Variants in CYP20A1 observed in about 807,000 individuals in gnomAD.
The protein encoded by CYP20A1 is cytochrome P450 20A1.
A neutral mutation model predicts 61.4 loss-of-function variants in CYP20A1; 61 were observed. The observed-to-expected ratio is 0.99, with a 90% confidence interval of 0.81 to 1.23. The LOEUF is 1.23. Ranked by LOEUF, CYP20A1 falls within the 50% of genes most tolerant of loss-of-function variation. The probability of loss-of-function intolerance (pLI) is 0.00; values close to 1 mark genes in which losing one functional copy is unlikely to be tolerated. For missense variants in CYP20A1, 530 were observed against 542.4 expected (o/e 0.98, Z 0.23); for synonymous variants, 193 against 188.2 (o/e 1.03, Z -0.21).
chr2:203,240,814 A>G (rs2066229521), intron 1 of CYP20A1, among the ~76,000 whole-genome samples: 1 of 152,236 alleles, frequency 6.6e-6, no homozygotes, highest in East Asian at 1.9e-4. Context: ...ATGACTTGTA[A>G]GGCTTTTTTA....
chr2:203,279,737 A>G (rs11690137), intron 7 of CYP20A1, among the ~76,000 whole-genome samples: 22,011 of 152,192 alleles, frequency 0.14, 1,878 homozygotes, highest in Middle Eastern at 0.24. Flanking sequence ...ACCAAAGTAG[A>G]TCATGAACCA....
chr2:203,272,756 T>C lies in CYP20A1; in HGVS notation c.679+8T>C. ...AAAAACAATATGAAGATGGTAAGTT[T>C]GGTCACTTAATTTTTAGTGAGGACA... On this transcript the variant is annotated splice_region_variant and intron_variant, in intron 6 of 12. Transcript: ENST00000356079. 6.4e-7 allele frequency: 1 copy of C among 1,566,954 alleles called. No homozygotes were observed. Among genetic ancestry groups the C allele is most frequent in the Non-Finnish European group, 8.7e-7 (1 of 1,150,366 alleles).
Position 203,296,929 on chromosome 2 carries a change from A to T in CYP20A1, c.*21A>T. 1 of 1,346,334 alleles carries T rather than the reference A, an allele frequency of 7.4e-7. No individual in the cohort carries two copies. Among genetic ancestry groups the T allele is most frequent in the Non-Finnish European group, 1.0e-6 (1 of 978,074 alleles). 83.4% of individuals were successfully genotyped at this position (1,346,334 alleles called of 1,614,324 possible). A position where few individuals can be genotyped will look rare whatever the true frequency, so the allele number is the denominator to read the frequency against. On this transcript the variant is annotated 3_prime_UTR_variant, in exon 13 of 13. Coordinates refer to ENST00000356079, the MANE Select transcript of CYP20A1 (RefSeq NM_177538.3). The stretch of plus-strand genomic sequence containing the variant: ...ATTAAAATTTTATACATTTAAAATC[A>T]TTGTTAAATTGATTGAGGAAAACAA...
rs759959910 is a variant in CYP20A1, at chr2:203,239,138, A to G, written c.72+4A>G. The stretch of plus-strand genomic sequence containing the variant: ...AGCCGTGCTCTACCTCTATCCGGTG[A>G]GCGCCGTCTTGGCTCTCTGGGGCCC... On this transcript the variant is annotated splice_donor_region_variant and intron_variant, in intron 1 of 12. Coordinates refer to ENST00000356079, the MANE Select transcript of CYP20A1 (RefSeq NM_177538.3). The G allele has an allele frequency of 6.2e-7, 1 of 1,612,276 alleles. No individual in the cohort carries two copies. Among genetic ancestry groups the G allele is most frequent in the Non-Finnish European group, 8.5e-7 (1 of 1,179,396 alleles).
chr2:203,262,835 C>A (rs2067187536), intron 4 of CYP20A1, among the ~76,000 whole-genome samples: 1 of 151,660 alleles, frequency 6.6e-6, no homozygotes, highest in African/African-American at 2.4e-5. Context: ...ACTACAGGTG[C>A]CTGCCACCAC....
chr2:203,289,630 G>A (rs965510008), intron 9 of CYP20A1, 135 bp from the exon 10 acceptor site: 1 of 398,832 alleles, frequency 2.5e-6, no homozygotes, highest in Non-Finnish European at 4.6e-6. Context: ...ATATCTTTAA[G>A]CAGATAAGAA....
chr2:203,253,210 T>G (rs1284198750), intron 4 of CYP20A1, among the ~76,000 whole-genome samples: 1 of 152,142 alleles, frequency 6.6e-6, no homozygotes, highest in Non-Finnish European at 1.5e-5. Flanking sequence ...CCCAAAACCT[T>G]ACTGCGGTTC....
At chr2:203,258,003 G>GTGCAGTGGCACAATTATCGCTCACT in intron 4 of CYP20A1, among the ~76,000 whole-genome samples, 2 of 151,450 alleles carry the variant, frequency 1.3e-5, no homozygotes, top group Non-Finnish European at 3.0e-5. Flanking sequence ...CTGGGCTGAA[G>GTGCAGTGGCACAATTATCGCTCACT]GGATCCTCCT....
chr2:203,284,320 C>G (rs1335730650), intron 8 of CYP20A1, among the ~76,000 whole-genome samples: 1 of 152,138 alleles, frequency 6.6e-6, no homozygotes, highest in African/African-American at 2.4e-5. Context: ...AACAATAGAG[C>G]TACAGATGGT....
chr2:203,296,682 G>A (rs2068811544), intron 12 of CYP20A1, 76 bp from the exon 13 acceptor site: 6 of 1,483,010 alleles, frequency 4.0e-6, no homozygotes, highest in Non-Finnish European at 5.5e-6. Context: ...TAAGTTCTGG[G>A]GTTCATGTGC....
intron 8 of CYP20A1, among the ~76,000 whole-genome samples, chr2:203,284,394 A>C (rs2068177210): frequency 6.6e-6 from 1 of 152,186 alleles, no homozygotes; most frequent in South Asian, 2.1e-4. Flanking sequence ...CATTCTTTTA[A>C]TAGTTATAAT....
intron 4 of CYP20A1, among the ~76,000 whole-genome samples, chr2:203,266,021 CTG>C (rs1403059311): frequency 6.6e-6 from 1 of 152,030 alleles, no homozygotes; most frequent in African/African-American, 2.4e-5. Flanking sequence ...TTACTAGACT[CTG>C]TTTTTATTCC....
intron 8 of CYP20A1, among the ~76,000 whole-genome samples, chr2:203,281,008 G>C (rs1414175210): frequency 6.6e-6 from 1 of 152,146 alleles, no homozygotes; most frequent in Non-Finnish European, 1.5e-5. Context: ...ACCAACAAGA[G>C]TATATAGGCC....
chr2:203,284,737 CTTTTTTTTTTTTT>C (rs748438150), intron 8 of CYP20A1, among the ~76,000 whole-genome samples: 1 of 99,126 alleles, frequency 1.0e-5, no homozygotes. Context: ...AGAACCACTG[CTTTTTTTTTTTTT>C]TTTTTTTTTT....
chr2:203,285,856 T>A, intron 9 of CYP20A1, 124 bp downstream of exon 9: 1 of 782,556 alleles, frequency 1.3e-6, no homozygotes, highest in Non-Finnish European at 1.8e-6. Flanking sequence ...TATTTATATG[T>A]AGATTTTATT....
chr2:203,294,128 G>C (rs1415644987), intron 11 of CYP20A1, among the ~76,000 whole-genome samples: 1 of 151,712 alleles, frequency 6.6e-6, no homozygotes, highest in Non-Finnish European at 1.5e-5. Context: ...GGAACTATAG[G>C]TATACGCTAC....
chr2:203,246,651 C>G, intron 2 of CYP20A1, 104 bp from the exon 3 acceptor site: 1 of 1,121,274 alleles, frequency 8.9e-7, no homozygotes, highest in Non-Finnish European at 1.2e-6. Context: ...ATTTCATGAA[C>G]CTTTGTTCTC....
At chr2:203,272,851 CTTTTTTTTT>C (rs372576462) in intron 6 of CYP20A1, 103 bp downstream of exon 6, 11 of 429,314 alleles carry the variant, frequency 2.6e-5, no homozygotes, top group African/African-American at 2.1e-4. Context: ...TTTATATTTT[CTTTTTTTTT>C]TTTTTTGAGA....
rs527639683 is a variant in CYP20A1 at position 203,300,369 on chromosome 2, A to T, written c.*3461A>T. Among the ~76,000 whole-genome samples, 1 of 152,342 alleles carries T rather than the reference A, an allele frequency of 6.6e-6. No homozygotes were observed. Among genetic ancestry groups the T allele is most frequent in the South Asian group, 2.1e-4 (1 of 4,828 alleles). On this transcript the variant is annotated 3_prime_UTR_variant, in exon 13 of 13. Transcript: ENST00000356079. ...ACTGTTTTTCTTCACAGTAAGAATGACAAAAATCTGTGTTCTTTGTACTTA... is the reference window on the plus strand; with the variant it reads ...ACTGTTTTTCTTCACAGTAAGAATGTCAAAAATCTGTGTTCTTTGTACTTA...
Sources: gnomAD v4.1 joint callset for allele counts (sites outside exome capture counted in the v4.1 genomes callset) on GRCh38, gnomAD v4.1.1 for gene constraint, MANE v1.5 for transcripts, NCBI Gene and HGNC (gene_info 2026-07-23, HGNC 2026-07-21) for gene names.